MAPK4: variants seen among roughly 807,000 people sequenced by gnomAD.
MAPK4 encodes the protein mitogen-activated protein kinase 4.
MAPK4 carries 22 observed loss-of-function variants against 47.7 expected under a neutral mutation model. The ratio of observed to expected loss-of-function variants is 0.46; its 90% CI spans 0.33 to 0.66. MAPK4 has a LOEUF of 0.66. Ranked by LOEUF, MAPK4 falls within the 30% of genes least tolerant of loss-of-function variation. The pLI is 0.02. For missense variants in MAPK4, 736 were observed against 831.7 expected (o/e 0.88, Z 1.42); for synonymous variants, 390 against 365.7 (o/e 1.07, Z -0.76).
intron 1 of MAPK4, among the ~76,000 whole-genome samples, chr18:50,608,703 T>C (rs2042604822): frequency 6.6e-6 from 1 of 152,026 alleles, no homozygotes; most frequent in Non-Finnish European, 1.5e-5. Flanking sequence ...ATGTCTTCTT[T>C]TTTTTATTTT....
At chr18:50,690,125 G>T (rs181819506) in intron 2 of MAPK4, among the ~76,000 whole-genome samples, 25 of 152,254 alleles carry the variant, frequency 1.6e-4, no homozygotes, top group Admixed American at 1.6e-3. Context: ...TCCCAGGCTG[G>T]CTCTCCTGCC....
chr18:50,626,733 G>T (rs1421916583), intron 1 of MAPK4, among the ~76,000 whole-genome samples: 1 of 152,148 alleles, frequency 6.6e-6, no homozygotes, highest in East Asian at 1.9e-4. Flanking sequence ...CAGCAGATGT[G>T]CTTCATCCAA....
At chr18:50,591,833 C>T (rs1014338134) in intron 1 of MAPK4, among the ~76,000 whole-genome samples, 1 of 152,008 alleles carries the variant, frequency 6.6e-6, no homozygotes, top group African/African-American at 2.4e-5. Context: ...GGTCCTCTTT[C>T]CTGATTTCAA....
intron 1 of MAPK4, among the ~76,000 whole-genome samples, chr18:50,654,664 CT>C (rs1460658610): frequency 6.6e-6 from 1 of 152,254 alleles, no homozygotes; most frequent in East Asian, 1.9e-4. Context: ...CACATGCCCC[CT>C]GGCACACTTG....
chr18:50,607,477 G>C (rs2042592015), intron 1 of MAPK4, among the ~76,000 whole-genome samples: 1 of 152,062 alleles, frequency 6.6e-6, no homozygotes, highest in South Asian at 2.1e-4. Flanking sequence ...CACTGTTCTT[G>C]GCTGTGTGTG....
chr18:50,628,198 G>A (rs552504483), intron 1 of MAPK4, among the ~76,000 whole-genome samples: 123 of 152,290 alleles, frequency 8.1e-4, no homozygotes, highest in African/African-American at 2.8e-3. Flanking sequence ...GAAAATCTGC[G>A]AATTAATAAA....
chr18:50,581,930 C>T (rs574273317), intron 1 of MAPK4, among the ~76,000 whole-genome samples: 56 of 152,168 alleles, frequency 3.7e-4, no homozygotes, highest in Non-Finnish European at 4.1e-4. Flanking sequence ...AAAGCATTAT[C>T]TATTGATGAG....
chr18:50,723,579 TG>T (rs1187850357), intron 4 of MAPK4, among the ~76,000 whole-genome samples: 1 of 152,118 alleles, frequency 6.6e-6, no homozygotes, highest in African/African-American at 2.4e-5. Context: ...AAGTATTTTC[TG>T]GGGCAGGTGT....
rs1180920689 is a variant in MAPK4 at position 50,729,907 on chromosome 18, C to A, written c.*53C>A. 3 of 1,476,598 alleles carry A rather than the reference C, an allele frequency of 2.0e-6. No homozygotes were observed. 91.5% of individuals were successfully genotyped at this position (1,476,598 alleles called of 1,614,324 possible). ...AGAGCAGGAGACCCCCAGAGAAAGC[C>A]GGGGCTGGCAGGAGGCGGCCGCCCT... On this transcript the variant is annotated 3_prime_UTR_variant, in exon 6 of 6. Coordinates refer to ENST00000400384, the MANE Select transcript of MAPK4 (RefSeq NM_002747.4).
At chr18:50,672,372 T>G (rs1388281399) in intron 2 of MAPK4, among the ~76,000 whole-genome samples, 1 of 152,244 alleles carries the variant, frequency 6.6e-6, no homozygotes, top group Non-Finnish European at 1.5e-5. Context: ...AAAGATTTAT[T>G]TAAAAGGCTA....
At chr18:50,633,725 G>C (rs960144909) in intron 1 of MAPK4, among the ~76,000 whole-genome samples, 3 of 152,318 alleles carry the variant, frequency 2.0e-5, no homozygotes, top group African/African-American at 7.2e-5. Flanking sequence ...GTCCTGGAGG[G>C]CAGGGACTCC....
chr18:50,643,874 G>A (rs2042963973), intron 1 of MAPK4, among the ~76,000 whole-genome samples: 1 of 152,184 alleles, frequency 6.6e-6, no homozygotes, highest in Admixed American at 6.5e-5. Context: ...TCTGGGCCAA[G>A]ACAATTGAAT....
intron 1 of MAPK4, among the ~76,000 whole-genome samples, chr18:50,593,913 C>T (rs138882042): frequency 3.6e-4 from 55 of 152,262 alleles, no homozygotes; most frequent in African/African-American, 8.9e-4. Flanking sequence ...CGAAGTCCCG[C>T]GACAAACTGT....
intron 1 of MAPK4, among the ~76,000 whole-genome samples, chr18:50,630,040 G>C (rs1175145953): frequency 6.6e-6 from 1 of 152,184 alleles, no homozygotes; most frequent in East Asian, 1.9e-4. Flanking sequence ...GTGAATGTGT[G>C]ATGGGGAACC....
At chr18:50,580,236 G>C (rs1226573331) in intron 1 of MAPK4, among the ~76,000 whole-genome samples, 1 of 152,126 alleles carries the variant, frequency 6.6e-6, no homozygotes, top group African/African-American at 2.4e-5. Context: ...GTTGGCAAAC[G>C]GTCTGTTCTC....
intron 1 of MAPK4, among the ~76,000 whole-genome samples, chr18:50,576,280 A>G (rs374085028): frequency 1.3e-5 from 2 of 152,240 alleles, no homozygotes; most frequent in African/African-American, 4.8e-5. Flanking sequence ...AACATGGTAC[A>G]TGTACACCAT....
chr18:50,658,342 G>A (rs2043133719), intron 1 of MAPK4, among the ~76,000 whole-genome samples: 1 of 152,142 alleles, frequency 6.6e-6, no homozygotes, highest in Non-Finnish European at 1.5e-5. Flanking sequence ...CACTCGCTGG[G>A]GCTGAGATCA....
rs747441426 is a variant in MAPK4, at chr18:50,643,704, G to T, written c.-870-19385G>T. Among the ~76,000 whole-genome samples, 34 of 152,276 alleles carry T rather than the reference G, an allele frequency of 2.2e-4. 1 individual carries two copies. The South Asian group carries it at 3.9e-3, about 18-fold the overall frequency. On this transcript the variant is annotated intron_variant, in intron 1 of 5. Transcript: ENST00000400384. ...GTCTGGGTGGTGGAAGGAGGCTTCA[G>T]TAGTTTCATGCAAGCCTCAAGTAAT...
chr18:50,656,121 A>G (rs1234403815), intron 1 of MAPK4, among the ~76,000 whole-genome samples: 1 of 152,194 alleles, frequency 6.6e-6, no homozygotes, highest in African/African-American at 2.4e-5. Context: ...TCTATTTTAG[A>G]AAGTCAAGAA....
Sources: gnomAD v4.1 joint callset for allele counts (sites outside exome capture counted in the v4.1 genomes callset) on GRCh38, gnomAD v4.1.1 for gene constraint, MANE v1.5 for transcripts, NCBI Gene and HGNC (gene_info 2026-07-23, HGNC 2026-07-21) for gene names.